The following TAB2 variants were observed in gnomAD, a reference collection of about 807,000 sequenced individuals.
TAB2 encodes TGF-beta activated kinase 1 (MAP3K7) binding protein 2.
In TAB2, 3 loss-of-function variants were observed where a neutral mutation model predicts 65.0. That is an observed-to-expected ratio of 0.05 (90% confidence interval 0.02 to 0.12). TAB2 has a LOEUF of 0.12. Ranked by LOEUF, TAB2 falls within the 10% of genes least tolerant of loss-of-function variation. TAB2 has a pLI of 1.00. For synonymous variants in TAB2, 298 were observed against 285.1 expected, an observed-to-expected ratio of 1.05 and a Z score of -0.46; for missense variants, 623 against 840.3, an observed-to-expected ratio of 0.74 and a Z score of 3.20.
intron 1 of TAB2, among the ~76,000 whole-genome samples, chr6:149,354,293 G>T (rs1780585021): frequency 6.6e-6 from 1 of 152,098 alleles, no homozygotes; most frequent in Non-Finnish European, 1.5e-5. Flanking sequence ...CCTCATTTTG[G>T]ATTGTGCAAA....
At chr6:149,262,594 T>G (rs1460390459) in intron 1 of TAB2, among the ~76,000 whole-genome samples, 1 of 151,768 alleles carries the variant, frequency 6.6e-6, no homozygotes, top group Non-Finnish European at 1.5e-5. Flanking sequence ...TTGGAGCTAA[T>G]AGCCAGGACC....
At chr6:149,377,796 T>C (rs966398301) in intron 2 of TAB2, among the ~76,000 whole-genome samples, 1 of 146,068 alleles carries the variant, frequency 6.8e-6, no homozygotes, top group Non-Finnish European at 1.5e-5. Context: ...AGTGGAACAA[T>C]GATTTGATTC....
At chr6:149,381,268 T>C (rs1410378046) in intron 3 of TAB2, among the ~76,000 whole-genome samples, 2 of 152,252 alleles carry the variant, frequency 1.3e-5, no homozygotes, top group African/African-American at 2.4e-5. Flanking sequence ...ACAACCATTT[T>C]TGTTTAGTTT....
chr6:149,226,694 C>T (rs72995719), intron 1 of TAB2, among the ~76,000 whole-genome samples: 18,804 of 152,218 alleles, frequency 0.12, 1,478 homozygotes, highest in Middle Eastern at 0.18. Flanking sequence ...GTTTTTGTTT[C>T]GTTTTTGTAA....
intron 1 of TAB2, among the ~76,000 whole-genome samples, chr6:149,310,104 G>T (rs999077752): frequency 3.3e-5 from 5 of 152,150 alleles, no homozygotes; most frequent in African/African-American, 1.2e-4. Context: ...GGCGGGAGAT[G>T]GGCCGACTGC....
At chr6:149,259,020 A>G (rs1778098707) in intron 1 of TAB2, among the ~76,000 whole-genome samples, 2 of 152,200 alleles carry the variant, frequency 1.3e-5, no homozygotes, top group South Asian at 4.1e-4. Context: ...TAGAAAGGGC[A>G]AGAAAACACT....
At position 149,378,182 on chromosome 6, in the gene TAB2, C is replaced by T; in HGVS notation, c.267C>T (p.His89=). The stretch of plus-strand genomic sequence containing the variant: ...ACTTGCAATCACAGAACATTTACCA[C>T]CATGGAAGAGAAGGAAGTAGGATGA... ...NLDLQSQNIY[H]HGREGSRMNG... is the part of the protein sequence containing the mutation. The change falls in exon 3 of 7, where the codon CAC becomes CAT. Residue 89 remains histidine, a synonymous_variant. Transcript: ENST00000637181. The T allele has an allele frequency of 6.2e-7, 1 of 1,614,068 alleles. No individual in the cohort carries two copies. Among genetic ancestry groups the T allele is most frequent in the Non-Finnish European group, 8.5e-7 (1 of 1,180,028 alleles).
chr6:149,351,558 A>G (rs558575409), intron 1 of TAB2, among the ~76,000 whole-genome samples: 3 of 152,308 alleles, frequency 2.0e-5, no homozygotes, highest in East Asian at 1.9e-4. Flanking sequence ...TGTACTTACT[A>G]TGTGCTCTTT....
Position 149,324,351 on chromosome 6 carries a change from A to C in TAB2, c.-90+6336A>C, listed in dbSNP as rs534634821. 1.6e-4 allele frequency among the ~76,000 whole-genome samples: 24 copies of C among 152,248 alleles called. No individual in the cohort carries two copies. In the South Asian group the frequency reaches 4.4e-3, roughly 28 times the overall value. On this transcript the variant is annotated intron_variant, in intron 1 of 6. Coordinates refer to ENST00000637181, the MANE Select transcript of TAB2 (RefSeq NM_001292034.3). ...AGGAAAGAGTAATTTTTGATCTATA[A>C]ATTTTTATTCACCAGTTTATTAACC...
chr6:149,362,428 A>G (rs1780881918), intron 1 of TAB2, among the ~76,000 whole-genome samples: 1 of 152,120 alleles, frequency 6.6e-6, no homozygotes, highest in Admixed American at 6.5e-5. Context: ...TTGAACAGCC[A>G]TATCTCACAA....
chr6:149,357,464 C>CACACACACACAT (rs1562432050), intron 1 of TAB2, among the ~76,000 whole-genome samples: 9 of 147,790 alleles, frequency 6.1e-5, no homozygotes, highest in African/African-American at 2.3e-4. Context: ...CACACACACA[C>CACACACACACAT]ACATTTTAGC....
At chr6:149,267,187 TAAG>T (rs1415297850) in intron 1 of TAB2, among the ~76,000 whole-genome samples, 1 of 152,104 alleles carries the variant, frequency 6.6e-6, no homozygotes. Flanking sequence ...CTCAGACAAC[TAAG>T]AAGGAGGCAC....
chr6:149,234,759 A>G (rs1174515921), intron 1 of TAB2, among the ~76,000 whole-genome samples: 6 of 152,042 alleles, frequency 3.9e-5, no homozygotes, highest in Non-Finnish European at 7.4e-5. Context: ...GGGTTGTGTC[A>G]TAGAACTGTG....
At chr6:149,389,969 A>T (rs1781929931) in intron 3 of TAB2, among the ~76,000 whole-genome samples, 1 of 152,238 alleles carries the variant, frequency 6.6e-6, no homozygotes, top group African/African-American at 2.4e-5. Flanking sequence ...CTTTTATTTT[A>T]CATCTATTGC....
intron 1 of TAB2, among the ~76,000 whole-genome samples, chr6:149,308,845 A>C (rs1779116201): frequency 6.6e-6 from 1 of 152,098 alleles, no homozygotes; most frequent in South Asian, 2.1e-4. Flanking sequence ...TTTTTAAAAA[A>C]TTCTCTGTGC....
chr6:149,331,478 T>C (rs1270005654), intron 1 of TAB2, among the ~76,000 whole-genome samples: 1 of 152,164 alleles, frequency 6.6e-6, no homozygotes, highest in East Asian at 1.9e-4. Context: ...GGTTTTCTGA[T>C]GTGCCTGTGC....
intron 3 of TAB2, among the ~76,000 whole-genome samples, chr6:149,391,956 A>G (rs1782002430): frequency 1.3e-5 from 2 of 152,050 alleles, no homozygotes; most frequent in South Asian, 4.1e-4. Flanking sequence ...TAGTTCTCTG[A>G]TTCCTTTTCG....
In TAB2 at chr6:149,379,142, A is replaced by G; in HGVS notation, c.1227A>G (p.Ile409Met). Residue 409 changes from isoleucine to methionine, a missense_variant, in exon 3 of 7, where the codon ATA (isoleucine) becomes ATG (methionine). Physicochemically the swap from Ile to Met is conservative, Grantham distance 10. Coordinates refer to ENST00000637181, the MANE Select transcript of TAB2 (RefSeq NM_001292034.3). ...QVMRNQPTLF[I>M]STNSGASAAS... ...TGCGGAATCAGCCCACACTCTTCAT[A>G]TCCACAAACTCTGGAGCATCTGCTG... 1 of 1,614,170 alleles carries G rather than the reference A, an allele frequency of 6.2e-7. No individual in the cohort carries two copies. Among genetic ancestry groups the G allele is most frequent in the East Asian group, 2.2e-5 (1 of 44,884 alleles).
At chr6:149,354,166 T>C (rs997371797) in intron 1 of TAB2, among the ~76,000 whole-genome samples, 3 of 152,218 alleles carry the variant, frequency 2.0e-5, no homozygotes, top group Admixed American at 1.3e-4. Context: ...TCATGCCCTT[T>C]GAACACAAAC....
Sources: gnomAD v4.1 joint callset for allele counts (sites outside exome capture counted in the v4.1 genomes callset) on GRCh38, gnomAD v4.1.1 for gene constraint, MANE v1.5 for transcripts, NCBI Gene and HGNC (gene_info 2026-07-23, HGNC 2026-07-21) for gene names.